Variants in HACL1 observed in about 807,000 individuals in gnomAD.
HACL1 encodes the protein 2-hydroxyacyl-CoA lyase 1.
HACL1 carries 64 observed loss-of-function variants against 74.2 expected under a neutral mutation model. The ratio of observed to expected loss-of-function variants is 0.86; its 90% CI spans 0.70 to 1.06. HACL1 has a LOEUF of 1.06. Ranked by LOEUF, HACL1 falls within the 50% of genes least tolerant of loss-of-function variation. HACL1 has a pLI of 0.00. For synonymous variants in HACL1, 230 were observed against 238.8 expected (o/e 0.96, Z 0.34); for missense variants, 728 against 719.7 (o/e 1.01, Z -0.13).
At chr3:15,568,261 C>T (rs554314319) in intron 13 of HACL1, among the ~76,000 whole-genome samples, 171 bp downstream of exon 13, 182 of 152,320 alleles carry the variant, frequency 1.2e-3, no homozygotes, top group Non-Finnish European at 1.5e-3. Context: ...ACCAAGAACA[C>T]ATCAAGCATA....
At chr3:15,592,091 CACACTAT>C (rs2063919831) in intron 3 of HACL1, among the ~76,000 whole-genome samples, 1 of 137,710 alleles carries the variant, frequency 7.3e-6, no homozygotes, top group African/African-American at 3.0e-5. Flanking sequence ...TATATATACA[CACACTAT>C]ATACGTATAT....
chr3:15,580,184 G>C (rs1213380778), intron 8 of HACL1, 139 bp from the exon 9 acceptor site: 2 of 666,344 alleles, frequency 3.0e-6, no homozygotes, highest in Non-Finnish European at 5.1e-6. Context: ...CTGGAGTGCA[G>C]TGGCATGATT....
At chr3:15,583,202 A>G (rs554489886) in intron 7 of HACL1, among the ~76,000 whole-genome samples, 1 of 152,380 alleles carries the variant, frequency 6.6e-6, no homozygotes, top group South Asian at 2.1e-4. Context: ...TAAAGTAAAT[A>G]GGCATCAAGA....
At chr3:15,565,912 C>T (rs746013939) in intron 14 of HACL1, among the ~76,000 whole-genome samples, 6 of 152,192 alleles carry the variant, frequency 3.9e-5, no homozygotes, top group Non-Finnish European at 8.8e-5. Flanking sequence ...CTAAGCAATA[C>T]AGCACAACAA....
intron 5 of HACL1, among the ~76,000 whole-genome samples, chr3:15,587,970 T>G (rs2063822839): frequency 6.6e-6 from 1 of 152,092 alleles, no homozygotes. Context: ...CTCGGCTCAC[T>G]GTAACCTCTG....
chr3:15,601,295 A>C, intron 1 of HACL1, 88 bp downstream of exon 1: 1 of 1,581,300 alleles, frequency 6.3e-7, no homozygotes, highest in Non-Finnish European at 8.7e-7. Flanking sequence ...CCCGACCCCC[A>C]TCGCCCATTT....
chr3:15,571,632 T>C (rs1158609933), intron 12 of HACL1, 36 bp downstream of exon 12: 3 of 872,774 alleles, frequency 3.4e-6, no homozygotes, highest in Non-Finnish European at 5.9e-6. Flanking sequence ...ATCATGAGCC[T>C]GACCTGTTAT....
In HACL1 at chr3:15,585,385, G is replaced by A. The variant is rs751091737; in HGVS notation, c.460-43C>T. The A allele has an allele frequency of 2.4e-5, 25 of 1,061,260 alleles. No homozygotes were observed. In the East Asian group the frequency reaches 6.0e-4, roughly 25 times the overall value. The allele number at this position is 1,061,260 out of a possible 1,614,324, so 65.7% of individuals were successfully genotyped here. ...AGAAGAAAAGATTTGTAAAATCTCA[G>A]TCTTATCATATTCTACTCAAAGATA... is the stretch of plus-strand genomic sequence containing the variant. On this transcript the variant is annotated intron_variant, in intron 6 of 16. Transcript: ENST00000321169.
chr3:15,591,795 C>A, intron 3 of HACL1, 115 bp from the exon 4 acceptor site: 4 of 600,948 alleles, frequency 6.7e-6, no homozygotes, highest in South Asian at 2.0e-5. Context: ...CAAGTCTTTA[C>A]TATAACTGAT....
intron 2 of HACL1, among the ~76,000 whole-genome samples, chr3:15,600,211 C>T (rs2064172819): frequency 6.6e-6 from 1 of 152,184 alleles, no homozygotes; most frequent in African/African-American, 2.4e-5. Flanking sequence ...TGAATCACAA[C>T]TTCTGCCCTC....
chr3:15,567,791 T>C, intron 14 of HACL1, 53 bp downstream of exon 14: 1 of 1,525,704 alleles, frequency 6.6e-7, no homozygotes, highest in Non-Finnish European at 9.1e-7. Flanking sequence ...GTCTTGTGTG[T>C]CATTTTTCAT....
intron 14 of HACL1, among the ~76,000 whole-genome samples, chr3:15,567,458 G>C (rs765505171): frequency 4.0e-5 from 6 of 151,332 alleles, no homozygotes; most frequent in Non-Finnish European, 8.8e-5. Flanking sequence ...GACCTAAAGT[G>C]ATCTGCCTGC....
chr3:15,581,695 G>A (rs2063717809), intron 8 of HACL1, among the ~76,000 whole-genome samples: 1 of 152,096 alleles, frequency 6.6e-6, no homozygotes, highest in African/African-American at 2.4e-5. Context: ...AATTGTTGCT[G>A]CTTTCCTTGA....
At chr3:15,600,322 G>C (rs914612660) in intron 2 of HACL1, among the ~76,000 whole-genome samples, 5 of 152,216 alleles carry the variant, frequency 3.3e-5, no homozygotes, top group Admixed American at 1.3e-4. Flanking sequence ...AACGGTGGGA[G>C]TGTAAAGCAG....
intron 9 of HACL1, among the ~76,000 whole-genome samples, chr3:15,577,347 A>G (rs576612050): frequency 9.9e-5 from 15 of 152,128 alleles, no homozygotes; most frequent in Admixed American, 4.6e-4. Context: ...AACCCTCAGA[A>G]TTAATTTTAA....
chr3:15,585,334 T>A lies in HACL1; in HGVS notation c.468A>T (p.Arg156Ser). 1 of 1,573,030 alleles carries A rather than the reference T, an allele frequency of 6.4e-7. No individual in the cohort carries two copies. The highest frequency in any genetic ancestry group is 1.7e-5 in the Admixed American group (1 of 59,882). ...CACCTGGACGACCATAGATACTGCT[T>A]CTCACTGCCTACGTTCATTACAAGT... ...AIPFVIEKAV[R>S]SSIYGRPGAC... Residue 156 changes from arginine to serine, a missense_variant, in exon 7 of 17, where the codon AGA (arginine) becomes AGT (serine). By Grantham distance (110) the Arg-to-Ser change is moderately radical. Transcript: ENST00000321169.
intron 3 of HACL1, among the ~76,000 whole-genome samples, chr3:15,592,079 CGTATATATACACACACTAT>C (rs1227092391): frequency 0.01 from 827 of 81,042 alleles, 13 homozygotes; most frequent in African/African-American, 0.037. Context: ...TATACGTATA[CGTATATATACACACACTAT>C]ATACGTATAT....
intron 16 of HACL1, among the ~76,000 whole-genome samples, chr3:15,561,517 C>T (rs369414488): frequency 3.9e-5 from 6 of 152,124 alleles, no homozygotes; most frequent in East Asian, 1.9e-4. Flanking sequence ...AAGAGGAAGA[C>T]GAGAACTCAT....
In HACL1 at chr3:15,580,117, T is replaced by C. The variant is rs573244755; in HGVS notation, c.668-72A>G. The C allele has an allele frequency of 1.6e-6, 2 of 1,226,598 alleles. 1 individual carries two copies. Among genetic ancestry groups the C allele is most frequent in the Admixed American group, 4.2e-5 (2 of 47,542 alleles). The allele number at this position is 1,226,598 out of a possible 1,614,324, so 76.0% of individuals were successfully genotyped here. On this transcript the variant is annotated intron_variant, in intron 8 of 16. Coordinates refer to ENST00000321169, the MANE Select transcript of HACL1 (RefSeq NM_012260.4). ...ACTGTGACCCTTAAAAAAGTTCATG[T>C]GAAATTGCTTTTTACTTATTTATAT...
Sources: allele counts gnomAD v4.1 joint callset (sites outside exome capture counted in the v4.1 genomes callset), GRCh38; gene constraint gnomAD v4.1.1; transcripts MANE v1.5; gene names NCBI Gene and HGNC (gene_info 2026-07-23, HGNC 2026-07-21).